The following ARHGEF4 variants were observed in gnomAD, a reference collection of about 807,000 sequenced individuals.
ARHGEF4 encodes the protein APC-stimulated guanine nucleotide exchange factor 1.
ARHGEF4 carries 119 observed loss-of-function variants against 162.0 expected under a neutral mutation model. The ratio of observed to expected loss-of-function variants is 0.73; its 90% CI spans 0.63 to 0.86. ARHGEF4 has a LOEUF of 0.86. Among genes scored for constraint, ARHGEF4 ranks in the 40% least tolerant of loss-of-function variants. The probability of loss-of-function intolerance (pLI) is 0.00; values close to 1 mark genes in which losing one functional copy is unlikely to be tolerated. For synonymous variants in ARHGEF4, 1,014 were observed against 979.9 expected (o/e 1.03, Z -0.65); for missense variants, 2,488 against 2,456.0 (o/e 1.01, Z -0.28).
chr2:130,947,750 C>G (rs1683710391), intron 4 of ARHGEF4, among the ~76,000 whole-genome samples: 1 of 152,206 alleles, frequency 6.6e-6, no homozygotes, highest in African/African-American at 2.4e-5. Context: ...CAACCACCTT[C>G]CTCACACCCA....
intron 1 of ARHGEF4, among the ~76,000 whole-genome samples, chr2:130,873,917 A>G (rs1172659144): frequency 6.6e-6 from 1 of 152,052 alleles, no homozygotes; most frequent in African/African-American, 2.4e-5. Context: ...GATTGCATCT[A>G]ACGTTTTCCT....
chr2:130,976,715 T>C (rs1573501941), intron 4 of ARHGEF4, among the ~76,000 whole-genome samples: 1 of 152,164 alleles, frequency 6.6e-6, no homozygotes, highest in East Asian at 1.9e-4. Flanking sequence ...GGTCTCAGAC[T>C]GGGGGCAAGA....
At chr2:130,928,545 C>T (rs1247189759) in intron 2 of ARHGEF4, among the ~76,000 whole-genome samples, 1 of 152,170 alleles carries the variant, frequency 6.6e-6, no homozygotes, top group Non-Finnish European at 1.5e-5. Context: ...GGGGAGTATA[C>T]ACAGTCACGT....
intron 1 of ARHGEF4, among the ~76,000 whole-genome samples, chr2:130,878,759 A>T (rs1416238444): frequency 2.0e-5 from 3 of 152,378 alleles, no homozygotes; most frequent in Non-Finnish European, 2.9e-5. Context: ...CATTCCAGGA[A>T]ACACAGTTGG....
chr2:130,929,277 A>G (rs1184029672), intron 2 of ARHGEF4, among the ~76,000 whole-genome samples: 1 of 152,202 alleles, frequency 6.6e-6, no homozygotes, highest in Non-Finnish European at 1.5e-5. Flanking sequence ...AACCTTGGAC[A>G]TACCTGGAGA....
chr2:130,865,992 T>G (rs1682245203), intron 1 of ARHGEF4, among the ~76,000 whole-genome samples: 2 of 152,182 alleles, frequency 1.3e-5, no homozygotes, highest in Non-Finnish European at 2.9e-5. Flanking sequence ...CACATTCCAC[T>G]GTGGACTCAA....
chr2:130,866,528 G>A (rs187281655), intron 1 of ARHGEF4, among the ~76,000 whole-genome samples: 1 of 152,158 alleles, frequency 6.6e-6, no homozygotes, highest in East Asian at 1.9e-4. Context: ...TCGTGTAGAT[G>A]TTCTTTATCA....
chr2:130,990,706 C>T (rs1460336896), intron 4 of ARHGEF4, among the ~76,000 whole-genome samples: 1 of 152,080 alleles, frequency 6.6e-6, no homozygotes, highest in African/African-American at 2.4e-5. Context: ...CAGCTGGAGT[C>T]ATTATCCACT....
chr2:130,922,963 C>T (rs1036440272), intron 2 of ARHGEF4, among the ~76,000 whole-genome samples: 17 of 150,492 alleles, frequency 1.1e-4, no homozygotes, highest in African/African-American at 4.1e-4. Context: ...TGGAGTCTTG[C>T]TCCGTCACCC....
rs188887528 is a variant in ARHGEF4 at position 130,902,238 on chromosome 2, C to G, written c.40-11748C>G. The stretch of plus-strand genomic sequence containing the variant: ...AGCAAGCTTTTAACCCTCCCTCCCT[C>G]CCTCTCTCCTTCCCTCCCTCCTTCC... On this transcript the variant is annotated intron_variant, in intron 1 of 13. Transcript: ENST00000409359. Among the ~76,000 whole-genome samples the G allele has an allele frequency of 9.3e-5, 14 of 150,198 alleles. No homozygotes were observed. In the East Asian group the frequency reaches 2.4e-3, roughly 26 times the overall value.
At chr2:130,892,601 A>G (rs1037705916) in intron 1 of ARHGEF4, among the ~76,000 whole-genome samples, 6 of 152,130 alleles carry the variant, frequency 3.9e-5, no homozygotes, top group African/African-American at 1.4e-4. Context: ...TTTCTAGTTC[A>G]TTTGCTTAAG....
intron 1 of ARHGEF4, among the ~76,000 whole-genome samples, chr2:130,874,075 A>T (rs1004370164): frequency 6.7e-6 from 1 of 149,146 alleles, no homozygotes; most frequent in African/African-American, 2.6e-5. Context: ...TTCACTAATT[A>T]AAAGAAGTAG....
chr2:131,041,196 G>A, intron 8 of ARHGEF4, 34 bp from the exon 9 acceptor site: 2 of 1,589,212 alleles, frequency 1.3e-6, no homozygotes, highest in Non-Finnish European at 1.7e-6. Context: ...GGGAGCAGCA[G>A]AGAGCTCTGC....
chr2:131,045,521 C>T (rs374534225), intron 13 of ARHGEF4, 75 bp downstream of exon 13: 2 of 1,613,148 alleles, frequency 1.2e-6, no homozygotes, highest in Non-Finnish European at 1.7e-6. Flanking sequence ...CTCTGAACCA[C>T]AAAGCCAAGC....
chr2:130,953,827 G>A (rs1465197517), intron 4 of ARHGEF4, among the ~76,000 whole-genome samples: 3 of 152,218 alleles, frequency 2.0e-5, no homozygotes, highest in Non-Finnish European at 1.5e-5. Context: ...GGTCATCAGA[G>A]AAATGCAAAT....
chr2:131,007,304 C>A (rs1443771102), intron 4 of ARHGEF4, among the ~76,000 whole-genome samples: 1 of 152,138 alleles, frequency 6.6e-6, no homozygotes, highest in Non-Finnish European at 1.5e-5. Flanking sequence ...GGCCCAAATG[C>A]TGAATTTATG....
chr2:130,928,360 C>T (rs1456586603), intron 2 of ARHGEF4, among the ~76,000 whole-genome samples: 2 of 152,194 alleles, frequency 1.3e-5, no homozygotes, highest in African/African-American at 2.4e-5. Flanking sequence ...CTGAGTCGCT[C>T]CCTGTTCACC....
At chr2:130,975,087 C>T (rs569201386) in intron 4 of ARHGEF4, among the ~76,000 whole-genome samples, 17 of 152,160 alleles carry the variant, frequency 1.1e-4, no homozygotes, top group South Asian at 2.1e-4. Context: ...GGTACATGGA[C>T]GGATGGACGT....
intron 1 of ARHGEF4, among the ~76,000 whole-genome samples, chr2:130,908,258 T>G (rs1035126171): frequency 4.6e-5 from 7 of 152,210 alleles, no homozygotes; most frequent in African/African-American, 1.7e-4. Flanking sequence ...AGTTTAGACA[T>G]TGTCAGTGTA....
Sources: allele counts gnomAD v4.1 joint callset (sites outside exome capture counted in the v4.1 genomes callset), GRCh38; gene constraint gnomAD v4.1.1; transcripts MANE v1.5; gene names NCBI Gene and HGNC (gene_info 2026-07-23, HGNC 2026-07-21).